The following ANKRD28 variants were observed in gnomAD, a reference collection of about 807,000 sequenced individuals.
ANKRD28 encodes ankyrin repeat domain 28.
ANKRD28 carries 44 observed loss-of-function variants against 126.5 expected under a neutral mutation model. The observed-to-expected ratio is 0.35, with a 90% CI of 0.27 to 0.45. The LOEUF (loss-of-function observed/expected upper bound fraction) is 0.45, where lower values mean the gene tolerates loss of function less well. Ranked by LOEUF, ANKRD28 falls within the 20% of genes least tolerant of loss-of-function variation. The pLI is 1.00. For synonymous variants in ANKRD28, 442 were observed against 468.5 expected, an observed-to-expected ratio of 0.94 and a Z score of 0.73; for missense variants, 1,110 against 1,316.6, an observed-to-expected ratio of 0.84 and a Z score of 2.43.
Position 15,796,831 on chromosome 3 carries a change from T to A in ANKRD28, c.-310A>T, listed in dbSNP as rs990480881. The A allele has an allele frequency of 1.8e-5, 18 of 988,208 alleles. No individual in the cohort carries two copies. Among genetic ancestry groups the A allele is most frequent in the Non-Finnish European group, 2.2e-5 (18 of 831,602 alleles). 61.2% of individuals were successfully genotyped at this position (988,208 alleles called of 1,614,324 possible). On this transcript the variant is annotated 5_prime_UTR_variant, in exon 1 of 28. Coordinates refer to ENST00000683139, the MANE Select transcript of ANKRD28 (RefSeq NM_001349278.2). ...TGAGTCCAAGCTCATTTAAAAATAT[T>A]TTTCCTCTACCAAAATAGTCTTATT... is the stretch of plus-strand genomic sequence containing the variant.
intron 17 of ANKRD28, among the ~76,000 whole-genome samples, chr3:15,692,118 T>G (rs2068880179): frequency 1.5e-5 from 2 of 136,712 alleles, no homozygotes; most frequent in Non-Finnish European, 1.5e-5. Context: ...CCAGCCTGGG[T>G]GACAGAATGA....
intron 13 of ANKRD28, among the ~76,000 whole-genome samples, chr3:15,709,250 C>T (rs2071893911): frequency 6.6e-6 from 1 of 152,158 alleles, no homozygotes; most frequent in Non-Finnish European, 1.5e-5. Flanking sequence ...CTCCCTCTTA[C>T]TACTGCTCTG....
intron 1 of ANKRD28, among the ~76,000 whole-genome samples, chr3:15,804,376 A>G (rs2060532522): frequency 6.9e-6 from 1 of 145,616 alleles, no homozygotes; most frequent in South Asian, 2.3e-4. Flanking sequence ...AAAAAAATGG[A>G]TATTTTAATA....
chr3:15,689,612 G>C (rs2068552640), intron 18 of ANKRD28, among the ~76,000 whole-genome samples: 1 of 152,208 alleles, frequency 6.6e-6, no homozygotes, highest in African/African-American at 2.4e-5. Flanking sequence ...GTGTGGGACA[G>C]GCTGGAGCAT....
chr3:15,824,786 T>C (rs927188693), intron 1 of ANKRD28, among the ~76,000 whole-genome samples: 1 of 152,230 alleles, frequency 6.6e-6, no homozygotes, highest in African/African-American at 2.4e-5. Context: ...GACTTACTTT[T>C]ACAGAACAAG....
intron 15 of ANKRD28, 149 bp from the exon 16 acceptor site, chr3:15,695,363 T>TATCACAACA (rs2069381008): frequency 1.6e-6 from 1 of 627,782 alleles, no homozygotes; most frequent in Admixed American, 2.9e-5. Flanking sequence ...AACAATTTTA[T>TATCACAACA]ATCACAACAG....
intron 27 of ANKRD28, among the ~76,000 whole-genome samples, chr3:15,672,626 A>G (rs1375258464): frequency 6.6e-6 from 1 of 152,112 alleles, no homozygotes; most frequent in South Asian, 2.1e-4. Context: ...GGTTCTTCTA[A>G]AGGTGCCTGC....
rs186042176 is a variant in ANKRD28, at chr3:15,686,868, A to C, written c.1964-559T>G. Among the ~76,000 whole-genome samples, 25 of 152,328 alleles carry C rather than the reference A, an allele frequency of 1.6e-4. No individual in the cohort carries two copies. In the East Asian group the frequency reaches 4.2e-3, roughly 26 times the overall value. The stretch of plus-strand genomic sequence containing the variant: ...CCCACAACATGAATGCAAATGTAAG[A>C]GAATAACAGAATTTAATCCAGAGCT... On this transcript the variant is annotated intron_variant, in intron 18 of 27. Transcript: ENST00000683139.
chr3:15,684,963 AAAAAG>A (rs752866830), intron 21 of ANKRD28: 94 of 421,366 alleles, frequency 2.2e-4, no homozygotes, highest in East Asian at 5.4e-4. Context: ...ACCAAAACTA[AAAAAG>A]AAAAGAAAAG....
chr3:15,720,671 A>AT (rs2073625648), intron 8 of ANKRD28, among the ~76,000 whole-genome samples: 1 of 151,960 alleles, frequency 6.6e-6, no homozygotes, highest in Non-Finnish European at 1.5e-5. Flanking sequence ...AATTGTTGTG[A>AT]TTTTTTTCAA....
At chr3:15,712,783 G>C (rs1305485862) in intron 10 of ANKRD28, among the ~76,000 whole-genome samples, 2 of 152,144 alleles carry the variant, frequency 1.3e-5, no homozygotes, top group Non-Finnish European at 2.9e-5. Context: ...AAATGAACTA[G>C]AGCAACTTGT....
intron 4 of ANKRD28, among the ~76,000 whole-genome samples, chr3:15,746,922 T>G (rs1408590937): frequency 6.6e-6 from 1 of 152,200 alleles, no homozygotes. Flanking sequence ...TAGTTTAATC[T>G]AGGAGGGTTG....
intron 14 of ANKRD28, among the ~76,000 whole-genome samples, chr3:15,700,702 A>T (rs1308408170): frequency 6.6e-6 from 1 of 152,170 alleles, no homozygotes; most frequent in Non-Finnish European, 1.5e-5. Flanking sequence ...TGAACTCAGG[A>T]GGCGGAGGTT....
In ANKRD28 at chr3:15,686,014, C is replaced by T. The variant is rs529028434; in HGVS notation, c.2157G>A (p.Ala719=). 13 of 1,613,228 alleles carry T rather than the reference C, an allele frequency of 8.1e-6. No individual in the cohort carries two copies. The highest frequency in any genetic ancestry group is 4.0e-5 in the African/African-American group (3 of 74,930). ...TATTTCTGCTTACCCCTCTATGCAA[C>T]GCTGTCCTTCCCCACTTATCTTTGG... is the stretch of plus-strand genomic sequence containing the variant. The part of the protein sequence containing the change: ...VDAKDKWGRT[A]LHRGAVTGHE... Residue 719 remains alanine, a synonymous_variant, in exon 20 of 28, where the codon GCG becomes GCA. Coordinates refer to ENST00000683139, the MANE Select transcript of ANKRD28 (RefSeq NM_001349278.2).
intron 4 of ANKRD28, among the ~76,000 whole-genome samples, chr3:15,742,935 G>T (rs1345169487): frequency 1.3e-5 from 2 of 151,378 alleles, no homozygotes; most frequent in Non-Finnish European, 2.9e-5. Flanking sequence ...GAATAGAAAG[G>T]GGGGAAAGGC....
chr3:15,850,449 G>GC (rs1364281980), intron 1 of ANKRD28, among the ~76,000 whole-genome samples: 1 of 151,988 alleles, frequency 6.6e-6, no homozygotes, highest in Non-Finnish European at 1.5e-5. Context: ...GAGAGTACTA[G>GC]CCTGAAATCA....
At chr3:15,686,751 G>C (rs1456734567) in intron 18 of ANKRD28, among the ~76,000 whole-genome samples, 2 of 152,182 alleles carry the variant, frequency 1.3e-5, no homozygotes, top group Non-Finnish European at 2.9e-5. Context: ...GATAAGTCTA[G>C]AGGCTGCTGG....
rs76305179 is a variant in ANKRD28, at chr3:15,679,647, A to G, written c.2390-84T>C. 3,202 of 1,078,562 alleles carry G rather than the reference A, an allele frequency of 3.0e-3. 70 individuals carry two copies. In the African/African-American group the frequency reaches 0.046, roughly 15 times the overall value. The allele number at this position is 1,078,562 out of a possible 1,614,324, so 66.8% of individuals were successfully genotyped here. ...AGGTACATGTAAGTGTTTAAAGGAA[A>G]AATGTAAAAGTCTCTCCCTCATCCC... is the stretch of plus-strand genomic sequence containing the variant. On this transcript the variant is annotated intron_variant, in intron 21 of 27. Transcript: ENST00000683139.
At position 15,839,724 on chromosome 3, in the gene ANKRD28, C is replaced by T. The variant is rs145057496; in HGVS notation, c.27+19653G>A. On this transcript the variant is annotated intron_variant, in intron 1 of 27. Transcript: ENST00000399451. This position sits in a 1 kb window ranked among gnomAD's most constrained non-coding sequence, Gnocchi z 4.3. Reference sequence around the variant, plus strand: ...TCATGACCAAGTGGGACTTATCCCCCGAGGGATGCAAGGATGGTTCAACAC... The same window carrying T: ...TCATGACCAAGTGGGACTTATCCCCTGAGGGATGCAAGGATGGTTCAACAC... 7.4e-4 allele frequency among the ~76,000 whole-genome samples: 112 copies of T among 152,220 alleles called. No homozygotes were observed. Among genetic ancestry groups the T allele is most frequent in the African/African-American group, 2.4e-3 (100 of 41,534 alleles).
Sources: gnomAD v4.1 joint callset for allele counts (sites outside exome capture counted in the v4.1 genomes callset) on GRCh38, gnomAD v4.1.1 for gene constraint, Gnocchi (gnomAD v3.1) non-coding constraint, MANE v1.5 for transcripts, NCBI Gene and HGNC (gene_info 2026-07-23, HGNC 2026-07-21) for gene names.